Variants in GSTA5 observed in about 807,000 individuals in gnomAD.
GSTA5 encodes the protein glutathione S-transferase A5.
Under a neutral mutation model 21.8 loss-of-function variants are expected in GSTA5, and 25 were observed. The observed-to-expected ratio is 1.14, with a 90% CI of 0.83 to 1.60. The LOEUF (loss-of-function observed/expected upper bound fraction) is 1.60, where lower values mean the gene tolerates loss of function less well. GSTA5 is among the 40% of genes most tolerant of loss of function. GSTA5 has a pLI of 0.00. For synonymous variants in GSTA5, 102 were observed against 89.5 expected (o/e 1.14, Z -0.78); for missense variants, 330 against 259.2 (o/e 1.27, Z -1.88).
At chr6:52,843,326 T>C (rs4379278), upstream of GSTA5, among the ~76,000 whole-genome samples, 151,780 of 152,320 alleles carry the variant, frequency 1, 75,624 homozygotes, top group Middle Eastern at 1. Context: ...GGAATTGCCA[T>C]ACTGTCTTCC....
chr6:52,832,472 G>A (rs1211887964), intron 5 of GSTA5, among the ~76,000 whole-genome samples: 3 of 152,118 alleles, frequency 2.0e-5, no homozygotes, highest in African/African-American at 4.8e-5. Flanking sequence ...CCAGAGCCCA[G>A]GGAGGAAACC....
chr6:52,841,855 C>A (rs547609955), upstream of GSTA5, among the ~76,000 whole-genome samples: 21 of 152,290 alleles, frequency 1.4e-4, no homozygotes, highest in Non-Finnish European at 2.6e-4. Flanking sequence ...AAACTAAAGA[C>A]TGAGTCTTAT....
At chr6:52,840,521 T>C (rs1172314182) in intron 1 of GSTA5, among the ~76,000 whole-genome samples, 1 of 152,256 alleles carries the variant, frequency 6.6e-6, no homozygotes, top group Non-Finnish European at 1.5e-5. Flanking sequence ...GATTAGTTTC[T>C]TAATTGTATT....
chr6:52,836,759 G>T (rs2397120), intron 2 of GSTA5, among the ~76,000 whole-genome samples: 1 of 152,324 alleles, frequency 6.6e-6, no homozygotes, highest in African/African-American at 2.4e-5. Context: ...TGATCCACCC[G>T]CCTCAGCCTC....
exon 6 of GSTA5, chr6:52,831,919 G>A: frequency 1.2e-6 from 2 of 1,613,910 alleles, no homozygotes; most frequent in Non-Finnish European, 1.7e-6. Flanking sequence ...TGGCTGCCAG[G>A]CTGCAGAAAC....
chr6:52,842,638 C>T (rs1292960040), upstream of GSTA5, among the ~76,000 whole-genome samples: 1 of 152,114 alleles, frequency 6.6e-6, no homozygotes, highest in African/African-American at 2.4e-5. Flanking sequence ...CACCTGACCT[C>T]AGGAGATCCA....
intron 1 of GSTA5, among the ~76,000 whole-genome samples, chr6:52,840,003 T>C (rs190754565): frequency 1.2e-3 from 183 of 152,364 alleles, no homozygotes; most frequent in Middle Eastern, 6.8e-3. Context: ...TAATAAGTGC[T>C]CAACAAATAA....
At chr6:52,841,443 C>T (rs1764376527), upstream of GSTA5, among the ~76,000 whole-genome samples, 1 of 152,230 alleles carries the variant, frequency 6.6e-6, no homozygotes, top group Non-Finnish European at 1.5e-5. Flanking sequence ...CTAAGTCACT[C>T]TTCAGCTCTC....
chr6:52,837,808 G>A (rs1205808735), intron 1 of GSTA5, among the ~76,000 whole-genome samples, 199 bp from the exon 2 acceptor site: 1 of 152,216 alleles, frequency 6.6e-6, no homozygotes, highest in Non-Finnish European at 1.5e-5. Flanking sequence ...ACAGCACATA[G>A]CTGCTCAATC....
chr6:52,832,842 G>T lies in GSTA5; in HGVS notation c.546+17C>A. 6.2e-7 allele frequency: 1 copy of T among 1,613,652 alleles called. No homozygotes were observed. Among genetic ancestry groups the T allele is most frequent in the Non-Finnish European group, 8.5e-7 (1 of 1,179,752 alleles). On this transcript the variant is annotated intron_variant, in intron 5 of 5. Coordinates refer to ENST00000370989, the Ensembl canonical transcript of GSTA5. Reference sequence around the variant, plus strand: ...AAGAGATGTGGGGCTGTCTCTCTGGGCTGTGAAATGGGTCACCTTCAGCAG... The same window carrying T: ...AAGAGATGTGGGGCTGTCTCTCTGGTCTGTGAAATGGGTCACCTTCAGCAG...
upstream of GSTA5, among the ~76,000 whole-genome samples, chr6:52,841,673 AC>A (rs1362630897): frequency 6.6e-6 from 1 of 152,204 alleles, no homozygotes; most frequent in African/African-American, 2.4e-5. Context: ...CATTTGTTCA[AC>A]GTCAGTCATA....
chr6:52,833,526 T>C (rs1442509181), intron 4 of GSTA5, among the ~76,000 whole-genome samples: 1 of 152,202 alleles, frequency 6.6e-6, no homozygotes, highest in Non-Finnish European at 1.5e-5. Context: ...GAATTCATCA[T>C]GTTTCTTACA....
intron 1 of GSTA5, among the ~76,000 whole-genome samples, chr6:52,838,540 C>A (rs926789639): frequency 1.3e-5 from 2 of 152,216 alleles, no homozygotes; most frequent in African/African-American, 4.8e-5. Flanking sequence ...CCACCTCATC[C>A]TGAGACAAGT....
At chr6:52,843,689 G>T (rs562037134), upstream of GSTA5, among the ~76,000 whole-genome samples, 1 of 152,194 alleles carries the variant, frequency 6.6e-6, no homozygotes, top group East Asian at 1.9e-4. Flanking sequence ...TTCCTAACTT[G>T]GGAAATGCAA....
chr6:52,844,954 T>C (rs1227118855), upstream of GSTA5, among the ~76,000 whole-genome samples: 1 of 152,204 alleles, frequency 6.6e-6, no homozygotes, highest in Non-Finnish European at 1.5e-5. Flanking sequence ...TGTATTATTT[T>C]ATCTATCAAT....
the GSTA5 span, chr6:52,846,105 GTCTTAA>G: frequency 1.2e-5 from 2 of 162,838 alleles, no homozygotes; most frequent in African/African-American, 4.8e-5. Flanking sequence ...TGAATTCCAG[GTCTTAA>G]TGTATTTATA....
upstream of GSTA5, among the ~76,000 whole-genome samples, chr6:52,844,593 G>C (rs1429664138): frequency 6.6e-6 from 1 of 152,194 alleles, no homozygotes; most frequent in Non-Finnish European, 1.5e-5. Context: ...TTATCGGAGA[G>C]AAGGGAGAAT....
At chr6:52,833,161 A>G (rs372316823) in intron 4 of GSTA5, among the ~76,000 whole-genome samples, 171 bp from the exon 5 acceptor site, 6 of 152,196 alleles carry the variant, frequency 3.9e-5, no homozygotes, top group Non-Finnish European at 8.8e-5. Context: ...AGTAAGAACT[A>G]TAACTCTGCT....
upstream of GSTA5, among the ~76,000 whole-genome samples, chr6:52,844,006 T>G (rs140132013): frequency 9.9e-4 from 119 of 120,722 alleles, no homozygotes; most frequent in African/African-American, 2.9e-3. Context: ...AATGAGAACC[T>G]GAGAGCTCAA....
Sources: gnomAD v4.1 joint callset for allele counts (sites outside exome capture counted in the v4.1 genomes callset) on GRCh38, gnomAD v4.1.1 for gene constraint, MANE v1.5 for transcripts, NCBI Gene and HGNC (gene_info 2026-07-23, HGNC 2026-07-21) for gene names.